HIVEP3: variants seen among roughly 807,000 people sequenced by gnomAD.
HIVEP3 encodes the protein HIVEP zinc finger 3.
HIVEP3 carries 49 observed loss-of-function variants against 152.8 expected under a neutral mutation model. The observed-to-expected ratio is 0.32, with a 90% confidence interval of 0.26 to 0.41. HIVEP3 has a LOEUF of 0.41. Among genes scored for constraint, HIVEP3 ranks in the 10% least tolerant of loss-of-function variants. HIVEP3 has a pLI of 1.00. For missense variants in HIVEP3, 2,790 were observed against 3,103.3 expected (o/e 0.90, Z 2.40); for synonymous variants, 1,269 against 1,289.0 (o/e 0.98, Z 0.33).
chr1:41,583,553 A>G lies in HIVEP3; in HGVS notation c.1245T>C (p.Ala415=). 1 of 1,614,018 alleles carries G rather than the reference A, an allele frequency of 6.2e-7. No homozygotes were observed. The highest frequency in any genetic ancestry group is 2.2e-5 in the East Asian group (1 of 44,856). Residue 415 remains alanine (A), a synonymous_variant, in exon 4 of 9, where the codon GCT becomes GCC. Coordinates refer to ENST00000372583, the MANE Select transcript of HIVEP3 (RefSeq NM_024503.5). This position sits in a 1 kb window ranked among gnomAD's most constrained non-coding sequence, Gnocchi z 6.9. ...SPPNTNAKSY[A]EIIFGKCGRI... is the part of the protein sequence containing the mutation. The stretch of plus-strand genomic sequence containing the variant: ...GCCCACACTTGCCAAAGATGATCTC[A>G]GCGTAGGACTTGGCGTTGGTGTTTG...
chr1:41,519,308 C>A (rs1382967065), intron 6 of HIVEP3, among the ~76,000 whole-genome samples: 1 of 152,210 alleles, frequency 6.6e-6, no homozygotes, highest in Non-Finnish European at 1.5e-5. Context: ...AGCCCACAAG[C>A]TGAAGAGTGG....
At chr1:41,940,781 G>A (rs1645041474) in intron 1 of HIVEP3, among the ~76,000 whole-genome samples, 1 of 152,072 alleles carries the variant, frequency 6.6e-6, no homozygotes, top group Non-Finnish European at 1.5e-5. Context: ...GGGGAAGTGA[G>A]AGGGCACAAG....
At chr1:41,727,358 C>T (rs1646768110) in intron 1 of HIVEP3, among the ~76,000 whole-genome samples, 3 of 152,192 alleles carry the variant, frequency 2.0e-5, no homozygotes, top group Admixed American at 6.5e-5. Context: ...GAGGCAGCCC[C>T]TTCCTGTGCC....
At chr1:41,888,810 C>T (rs1249721279) in intron 1 of HIVEP3, among the ~76,000 whole-genome samples, 1 of 141,436 alleles carries the variant, frequency 7.1e-6, no homozygotes, top group Non-Finnish European at 1.5e-5. Flanking sequence ...CACACACACA[C>T]CACATACCTC....
At chr1:41,658,334 C>T (rs1433140073) in intron 2 of HIVEP3, among the ~76,000 whole-genome samples, 2 of 152,154 alleles carry the variant, frequency 1.3e-5, no homozygotes, top group African/African-American at 2.4e-5. Flanking sequence ...AGCCCAAAGT[C>T]CTGGGTTTGA....
At chr1:41,526,466 CCACACTCACCTT>C (rs774011202) in intron 5 of HIVEP3, among the ~76,000 whole-genome samples, 1 of 127,548 alleles carries the variant, frequency 7.8e-6, no homozygotes. Flanking sequence ...GCTCACACCC[CCACACTCACCTT>C]CACACTCACC....
intron 1 of HIVEP3, among the ~76,000 whole-genome samples, chr1:41,701,795 T>C (rs1458661527): frequency 2.0e-5 from 3 of 152,234 alleles, no homozygotes; most frequent in African/African-American, 7.2e-5. Context: ...GTTGGACACA[T>C]ACTCATTTGA....
At chr1:41,923,154 T>C (rs927679665), upstream of HIVEP3, among the ~76,000 whole-genome samples, 2 of 152,216 alleles carry the variant, frequency 1.3e-5, no homozygotes, top group Non-Finnish European at 2.9e-5. Context: ...TTAGCTATAA[T>C]GGTTACTACA....
intron 1 of HIVEP3, among the ~76,000 whole-genome samples, chr1:41,791,867 A>C (rs560382397): frequency 6.7e-6 from 1 of 149,194 alleles, no homozygotes; most frequent in Admixed American, 6.7e-5. Flanking sequence ...ATCTAATTTC[A>C]GTTTCCTCAA....
chr1:41,718,777 CA>C (rs1192093946), intron 1 of HIVEP3, among the ~76,000 whole-genome samples: 4 of 109,756 alleles, frequency 3.6e-5, no homozygotes, highest in African/African-American at 3.4e-4. Flanking sequence ...TTCACACCCA[CA>C]CACACACACA....
intron 1 of HIVEP3, among the ~76,000 whole-genome samples, chr1:41,757,862 C>A (rs1034429359): frequency 6.6e-6 from 1 of 151,912 alleles, no homozygotes; most frequent in Admixed American, 6.6e-5. Context: ...TACAGGGATG[C>A]GCCACCACAC....
chr1:41,598,730 T>C (rs1644702633), intron 3 of HIVEP3, among the ~76,000 whole-genome samples: 1 of 152,134 alleles, frequency 6.6e-6, no homozygotes, highest in Non-Finnish European at 1.5e-5. Flanking sequence ...ATAGTATCGA[T>C]ACAAAGAGAC....
At chr1:41,839,536 G>C (rs1006663167) in intron 1 of HIVEP3, among the ~76,000 whole-genome samples, 4 of 152,178 alleles carry the variant, frequency 2.6e-5, no homozygotes, top group Non-Finnish European at 5.9e-5. Flanking sequence ...CACCCCCAAG[G>C]CACCTCCTTT....
chr1:42,019,124 A>T (rs1260153046), intron 1 of HIVEP3, among the ~76,000 whole-genome samples: 2 of 152,070 alleles, frequency 1.3e-5, no homozygotes, highest in Non-Finnish European at 2.9e-5. Flanking sequence ...CAGATGCCAC[A>T]TTGACTTAAT....
upstream of HIVEP3, among the ~76,000 whole-genome samples, chr1:41,920,588 T>G (rs879826780): frequency 2.5e-4 from 35 of 139,486 alleles, no homozygotes; most frequent in South Asian, 9.1e-4. Context: ...TTTTTTTTTT[T>G]TTGTTTTGTT....
At chr1:41,615,815 C>CTT (rs747478470) in intron 3 of HIVEP3, among the ~76,000 whole-genome samples, 520 of 47,028 alleles carry the variant, frequency 0.011, 92 homozygotes, top group East Asian at 0.091. Flanking sequence ...TTTGACAAGT[C>CTT]TTTTTTTTTT....
At chr1:42,002,257 G>A (rs1225147678) in intron 1 of HIVEP3, among the ~76,000 whole-genome samples, 1 of 152,156 alleles carries the variant, frequency 6.6e-6, no homozygotes, top group Admixed American at 6.5e-5. Context: ...TCTATCAGCA[G>A]ATACCTTCAG....
intron 1 of HIVEP3, among the ~76,000 whole-genome samples, chr1:41,744,324 C>T (rs4660559): frequency 0.3 from 46,291 of 152,208 alleles, 7,963 homozygotes; most frequent in East Asian, 0.47. Context: ...CAGGTGTGAG[C>T]CATCACGCCT....
At chr1:41,597,909 G>A (rs1644689826) in intron 3 of HIVEP3, among the ~76,000 whole-genome samples, 1 of 152,166 alleles carries the variant, frequency 6.6e-6, no homozygotes, top group Non-Finnish European at 1.5e-5. Flanking sequence ...CCAGATGCTT[G>A]TAGCTAATTC....
Sources: allele counts gnomAD v4.1 joint callset (sites outside exome capture counted in the v4.1 genomes callset), GRCh38; gene constraint gnomAD v4.1.1; non-coding constraint Gnocchi (gnomAD v3.1); transcripts MANE v1.5; gene names NCBI Gene and HGNC (gene_info 2026-07-23, HGNC 2026-07-21).